MAGI1: variants seen among roughly 807,000 people sequenced by gnomAD.
MAGI1 encodes membrane-associated guanylate kinase, WW and PDZ domain-containing protein 1.
MAGI1 carries 58 observed loss-of-function variants against 139.9 expected under a neutral mutation model. The observed-to-expected ratio is 0.41, with a 90% CI of 0.34 to 0.52. The LOEUF (loss-of-function observed/expected upper bound fraction) is 0.52, where lower values mean the gene tolerates loss of function less well. Among genes scored for constraint, MAGI1 ranks in the 20% least tolerant of loss-of-function variants. The probability of loss-of-function intolerance (pLI) is 0.12; values close to 1 mark genes in which losing one functional copy is unlikely to be tolerated. For synonymous variants in MAGI1, 812 were observed against 737.9 expected (o/e 1.10, Z -1.63); for missense variants, 1,874 against 1,901.6 (o/e 0.99, Z 0.27).
At chr3:65,929,569 G>C (rs558787032) in intron 1 of MAGI1, among the ~76,000 whole-genome samples, 2 of 152,032 alleles carry the variant, frequency 1.3e-5, no homozygotes, top group African/African-American at 2.4e-5. Flanking sequence ...TCCTGACCTC[G>C]TGATCCACCC....
chr3:65,681,189 G>A (rs1318811700), intron 1 of MAGI1, among the ~76,000 whole-genome samples: 4 of 152,162 alleles, frequency 2.6e-5, no homozygotes. Flanking sequence ...ATTTACTTAA[G>A]CGCAACCACT....
intron 1 of MAGI1, among the ~76,000 whole-genome samples, chr3:65,850,424 C>A (rs2059161965): frequency 1.3e-5 from 2 of 152,124 alleles, no homozygotes; most frequent in African/African-American, 2.4e-5. Flanking sequence ...CAGGGTAAAC[C>A]AGGATGGCTA....
At chr3:65,484,463 G>GT (rs1215666844) in intron 3 of MAGI1, among the ~76,000 whole-genome samples, 1 of 152,106 alleles carries the variant, frequency 6.6e-6, no homozygotes, top group African/African-American at 2.4e-5. Flanking sequence ...GGCAAAAATT[G>GT]TTTTCTTTTT....
chr3:65,379,060 AG>A, intron 17 of MAGI1, 200 bp downstream of exon 17: 1 of 1,074,348 alleles, frequency 9.3e-7, no homozygotes, highest in Non-Finnish European at 1.3e-6. Flanking sequence ...GGAAGTTGAA[AG>A]GGTTGAACAA....
At chr3:65,473,926 T>A (rs990722868) in intron 4 of MAGI1, among the ~76,000 whole-genome samples, 4 of 152,170 alleles carry the variant, frequency 2.6e-5, no homozygotes, top group African/African-American at 9.7e-5. Flanking sequence ...ACTCAAGAAT[T>A]CACAGCCTTA....
chr3:65,493,425 T>C, intron 3 of MAGI1, 87 bp downstream of exon 3: 1 of 1,547,596 alleles, frequency 6.5e-7, no homozygotes, highest in East Asian at 2.3e-5. Flanking sequence ...ACCTCCAGAT[T>C]CCACAAAACA....
chr3:65,847,740 A>G (rs1218041835), intron 1 of MAGI1, among the ~76,000 whole-genome samples: 2 of 152,214 alleles, frequency 1.3e-5, no homozygotes, highest in Non-Finnish European at 2.9e-5. Flanking sequence ...ATGATTTTGT[A>G]TAAGTTAAAT....
intron 1 of MAGI1, among the ~76,000 whole-genome samples, chr3:65,866,281 A>G (rs751534246): frequency 3.0e-4 from 45 of 149,134 alleles, no homozygotes; most frequent in Non-Finnish European, 5.3e-4. Flanking sequence ...TGGTGTGATC[A>G]TGGCTCACTG....
chr3:65,434,759 T>C (rs1947712570), intron 10 of MAGI1, among the ~76,000 whole-genome samples: 2 of 152,168 alleles, frequency 1.3e-5, no homozygotes, highest in South Asian at 4.1e-4. Flanking sequence ...GTTTCTTTGG[T>C]ATCAGTTATA....
intron 1 of MAGI1, among the ~76,000 whole-genome samples, chr3:65,686,136 G>A (rs887635750): frequency 6.6e-6 from 1 of 152,068 alleles, no homozygotes; most frequent in Non-Finnish European, 1.5e-5. Context: ...TTGGCCCCTG[G>A]CTCTGGGGAC....
chr3:65,499,055 G>A (rs1442781969), intron 2 of MAGI1: 33 of 949,144 alleles, frequency 3.5e-5, no homozygotes, highest in Admixed American at 7.2e-5. Flanking sequence ...GAAGAAAACC[G>A]CTCTTAAAAA....
chr3:65,519,252 T>G (rs572140184), intron 2 of MAGI1, among the ~76,000 whole-genome samples: 98 of 150,618 alleles, frequency 6.5e-4, no homozygotes, highest in Non-Finnish European at 1.2e-3. Context: ...CACAGAGAGA[T>G]AGAGGCCACC....
At chr3:65,402,520 G>A (rs1043951385) in intron 12 of MAGI1, among the ~76,000 whole-genome samples, 1 of 152,164 alleles carries the variant, frequency 6.6e-6, no homozygotes, top group African/African-American at 2.4e-5. Flanking sequence ...TTTTCTTTGG[G>A]CAGGAGTTAG....
chr3:65,726,718 T>C (rs1195783175), intron 1 of MAGI1, among the ~76,000 whole-genome samples: 1 of 152,116 alleles, frequency 6.6e-6, no homozygotes, highest in East Asian at 1.9e-4. Flanking sequence ...CTAGAAACAC[T>C]GACGCCCTCA....
rs529126997 is a variant in MAGI1 at position 66,018,881 on chromosome 3, A to G, written c.313+19115T>C. 3.9e-5 allele frequency among the ~76,000 whole-genome samples: 6 copies of G among 152,352 alleles called. No homozygotes were observed. In the East Asian group the frequency reaches 1.2e-3, roughly 29 times the overall value. On this transcript the variant is annotated intron_variant, in intron 1 of 22. Transcript: ENST00000402939. ...CTCTCGCTCTTCCCTTTGGGAAGCC[A>G]CAGTGTGTCTCCATTGTTCCCCAGA...
chr3:65,670,219 A>G lies in MAGI1; in HGVS notation c.314-48131T>C, dbSNP rs193033170. ...TTAGTATGAGTTTCTTGTGGGGAAA[A>G]AACATTGAAATCCATGTATAGTTGT... On this transcript the variant is annotated intron_variant, in intron 1 of 22. Transcript: ENST00000402939. 7.9e-5 allele frequency among the ~76,000 whole-genome samples: 12 copies of G among 152,212 alleles called. 1 individual carries two copies. In the South Asian group the frequency reaches 1.5e-3, roughly 18 times the overall value.
intron 1 of MAGI1, among the ~76,000 whole-genome samples, chr3:65,671,993 T>C (rs1037751711): frequency 6.6e-5 from 10 of 152,172 alleles, no homozygotes; most frequent in African/African-American, 2.4e-4. Context: ...AAAAGGTTAG[T>C]TTCCACTTCA....
chr3:65,453,404 A>G (rs1164443982), intron 5 of MAGI1, 64 bp from the exon 6 acceptor site: 17 of 1,223,662 alleles, frequency 1.4e-5, no homozygotes, highest in Non-Finnish European at 1.9e-5. Context: ...AAGAAGCCCA[A>G]TGACGGAATT....
intron 1 of MAGI1, among the ~76,000 whole-genome samples, chr3:65,833,655 C>A (rs2042650086): frequency 6.6e-6 from 1 of 152,136 alleles, no homozygotes; most frequent in Admixed American, 6.5e-5. Context: ...TTTTTAAATT[C>A]CAGGCTTTAT....
Sources: gnomAD v4.1 joint callset for allele counts (sites outside exome capture counted in the v4.1 genomes callset) on GRCh38, gnomAD v4.1.1 for gene constraint, MANE v1.5 for transcripts, NCBI Gene and HGNC (gene_info 2026-07-23, HGNC 2026-07-21) for gene names.